CUL3: variants seen among roughly 807,000 people sequenced by gnomAD.
The protein encoded by CUL3 is cullin 3.
In CUL3, 19 loss-of-function variants were observed where a neutral mutation model predicts 89.1. The observed-to-expected ratio is 0.21, with a 90% CI of 0.15 to 0.31. CUL3 has a LOEUF of 0.31. Ranked by LOEUF, CUL3 falls within the 10% of genes least tolerant of loss-of-function variation. The pLI is 1.00. For synonymous variants in CUL3, 351 were observed against 308.4 expected (o/e 1.14, Z -1.45); for missense variants, 469 against 942.3 (o/e 0.50, Z 6.58).
intron 1 of CUL3, among the ~76,000 whole-genome samples, chr2:224,583,670 T>C (rs1188205092): frequency 2.0e-5 from 3 of 152,248 alleles, no homozygotes; most frequent in African/African-American, 7.2e-5. Context: ...ACACTGACTT[T>C]AGTATTTATG....
Position 224,506,150 on chromosome 2 carries a change from A to T in CUL3, c.1030-18T>A, listed in dbSNP as rs769935561. ...AATAAGCCCTTAGAAATAAAAACAA[A>T]ATTTAGGACACATTATAATAATTTT... On this transcript the variant is annotated intron_variant, in intron 7 of 15. Transcript: ENST00000264414. The T allele has an allele frequency of 2.7e-5, 41 of 1,518,242 alleles. No individual in the cohort carries two copies. The highest frequency in any genetic ancestry group is 4.4e-6 in the Non-Finnish European group (5 of 1,130,190). 94.0% of individuals were successfully genotyped at this position (1,518,242 alleles called of 1,614,324 possible). A position where few individuals can be genotyped will look rare whatever the true frequency, so the allele number is the denominator to read the frequency against.
At chr2:224,538,851 T>C (rs563870485) in intron 2 of CUL3, among the ~76,000 whole-genome samples, 136 of 152,206 alleles carry the variant, frequency 8.9e-4, no homozygotes, top group African/African-American at 3.0e-3. Flanking sequence ...GGCAGAAAAT[T>C]AGAGTCACCC....
chr2:224,559,452 C>CAAAA (rs34898102), intron 1 of CUL3, among the ~76,000 whole-genome samples: 1 of 67,500 alleles, frequency 1.5e-5, no homozygotes, highest in Admixed American at 1.5e-4. Context: ...GATTGTGTCT[C>CAAAA]AAAAAAAAAA....
At chr2:224,479,782 T>C (rs1313773980) in intron 14 of CUL3, 1 of 152,214 alleles carries the variant, frequency 6.6e-6, no homozygotes, top group South Asian at 2.1e-4. Context: ...ATATTCATTA[T>C]AGTGCTTTTC....
At chr2:224,513,396 AT>A (rs1692915914) in intron 5 of CUL3, 127 bp downstream of exon 5, 4 of 638,566 alleles carry the variant, frequency 6.3e-6, no homozygotes, top group Non-Finnish European at 5.4e-6. Context: ...GCTGATGGGC[AT>A]TTTTTGCATA....
chr2:224,566,056 C>T (rs1173447524), intron 1 of CUL3, among the ~76,000 whole-genome samples: 1 of 152,114 alleles, frequency 6.6e-6, no homozygotes, highest in Admixed American at 6.5e-5. Context: ...CCTTAAAGGT[C>T]CTTATTGACC....
chr2:224,548,768 C>T lies in CUL3; in HGVS notation c.264+8891G>A, dbSNP rs1011851150. On this transcript the variant is annotated intron_variant, in intron 2 of 15. Coordinates refer to ENST00000264414, the MANE Select transcript of CUL3 (RefSeq NM_003590.5). ...CCTGTAGTCCCAGCACTTTGGGAGG[C>T]GGATGGATCACTTGAGCCCTGGAGT... 2.6e-5 allele frequency among the ~76,000 whole-genome samples: 4 copies of T among 152,194 alleles called. No homozygotes were observed. The South Asian group carries it at 6.2e-4, about 24-fold the overall frequency.
chr2:224,536,063 C>G (rs750304974), intron 2 of CUL3, among the ~76,000 whole-genome samples: 2 of 152,150 alleles, frequency 1.3e-5, no homozygotes, highest in Non-Finnish European at 2.9e-5. Flanking sequence ...GGCTCCAATC[C>G]CAGCTCCCTA....
At chr2:224,557,514 G>T in intron 2 of CUL3, 145 bp downstream of exon 2, 1 of 436,116 alleles carries the variant, frequency 2.3e-6, no homozygotes. Flanking sequence ...AATTTTTCAT[G>T]AGTGCTTATT....
At chr2:224,550,106 C>T (rs755058449) in intron 2 of CUL3, among the ~76,000 whole-genome samples, 2 of 152,106 alleles carry the variant, frequency 1.3e-5, no homozygotes, top group Non-Finnish European at 2.9e-5. Context: ...CATTTACTTC[C>T]AGGGCTTTAA....
At chr2:224,570,508 AAG>A (rs1000088084) in intron 1 of CUL3, among the ~76,000 whole-genome samples, 1 of 152,208 alleles carries the variant, frequency 6.6e-6, no homozygotes, top group African/African-American at 2.4e-5. Flanking sequence ...GCCTATGTAG[AAG>A]AGACATATAG....
chr2:224,573,789 CCTCT>C (rs913473862), intron 1 of CUL3, among the ~76,000 whole-genome samples: 38 of 152,238 alleles, frequency 2.5e-4, no homozygotes, highest in African/African-American at 8.7e-4. Context: ...TTTTACTAGT[CCTCT>C]CTGAGACCCA....
At chr2:224,583,656 T>A (rs1695496620) in intron 1 of CUL3, among the ~76,000 whole-genome samples, 1 of 152,252 alleles carries the variant, frequency 6.6e-6, no homozygotes, top group South Asian at 2.1e-4. Context: ...GCAGAGGTTT[T>A]CGCACACTGA....
intron 13 of CUL3, among the ~76,000 whole-genome samples, chr2:224,490,898 C>CT (rs1312943390): frequency 2.6e-5 from 4 of 152,022 alleles, no homozygotes; most frequent in Non-Finnish European, 5.9e-5. Flanking sequence ...ATGGATACCC[C>CT]ATTTACCCTG....
chr2:224,572,148 T>C (rs960459294), intron 1 of CUL3, among the ~76,000 whole-genome samples: 3 of 152,204 alleles, frequency 2.0e-5, no homozygotes, highest in African/African-American at 7.2e-5. Flanking sequence ...AAAGAGCTTT[T>C]AACCAGAAAT....
chr2:224,484,194 T>C (rs907789248), intron 13 of CUL3, among the ~76,000 whole-genome samples: 11 of 151,940 alleles, frequency 7.2e-5, no homozygotes, highest in African/African-American at 2.7e-4. Context: ...TAGTATTTGA[T>C]AAATACTAAT....
At chr2:224,583,559 T>C (rs1695493164) in intron 1 of CUL3, among the ~76,000 whole-genome samples, 1 of 152,184 alleles carries the variant, frequency 6.6e-6, no homozygotes, top group Non-Finnish European at 1.5e-5. Flanking sequence ...CACGTTTACT[T>C]AGAAAAAAGT....
intron 12 of CUL3, among the ~76,000 whole-genome samples, chr2:224,497,530 CT>C (rs1692214051): frequency 6.6e-6 from 1 of 151,896 alleles, no homozygotes; most frequent in Non-Finnish European, 1.5e-5. Context: ...ATGTTTAGTC[CT>C]TAGGGAAGAC....
intron 1 of CUL3, among the ~76,000 whole-genome samples, chr2:224,559,590 C>T (rs1441450895): frequency 6.6e-6 from 1 of 152,122 alleles, no homozygotes; most frequent in Admixed American, 6.5e-5. Flanking sequence ...ATTGTACATG[C>T]ACTGTCTCCA....
Sources: gnomAD v4.1 joint callset for allele counts (sites outside exome capture counted in the v4.1 genomes callset) on GRCh38, gnomAD v4.1.1 for gene constraint, MANE v1.5 for transcripts, NCBI Gene and HGNC (gene_info 2026-07-23, HGNC 2026-07-21) for gene names.